The following ZNF25 variants were observed in gnomAD, a reference collection of about 807,000 sequenced individuals.
ZNF25 encodes the protein zinc finger protein 25 (KOX 19).
A neutral mutation model predicts 30.9 loss-of-function variants in ZNF25; 21 were observed. That is an observed-to-expected ratio of 0.68 (90% CI 0.48 to 0.98). The LOEUF is 0.98. Ranked by LOEUF, ZNF25 falls within the 50% of genes least tolerant of loss-of-function variation. ZNF25 has a pLI of 0.00. For synonymous variants in ZNF25, 169 were observed against 181.3 expected, an observed-to-expected ratio of 0.93 and a Z score of 0.55; for missense variants, 501 against 529.9, an observed-to-expected ratio of 0.95 and a Z score of 0.54.
chr10:37,968,249 A>G (rs993048620), intron 2 of ZNF25, among the ~76,000 whole-genome samples: 11 of 151,494 alleles, frequency 7.3e-5, no homozygotes, highest in African/African-American at 2.7e-4. Context: ...ACAGACATGG[A>G]GTTTCACCGT....
chr10:37,958,013 T>C (rs1367670180), intron 2 of ZNF25, among the ~76,000 whole-genome samples: 1 of 152,200 alleles, frequency 6.6e-6, no homozygotes, highest in Non-Finnish European at 1.5e-5. Context: ...CAGTCAGCTG[T>C]ACCATCTAGG....
chr10:37,963,033 C>CA (rs1254346443), intron 2 of ZNF25, among the ~76,000 whole-genome samples: 1 of 139,064 alleles, frequency 7.2e-6, no homozygotes, highest in Non-Finnish European at 1.5e-5. Flanking sequence ...CTGATAGAAT[C>CA]AAACTTTTTG....
At chr10:37,976,375 C>G (rs952909103) in intron 1 of ZNF25, 131 bp downstream of exon 1, 1 of 152,354 alleles carries the variant, frequency 6.6e-6, no homozygotes, top group African/African-American at 2.4e-5. Context: ...CCAGCGCAGC[C>G]AGCCAACCTC....
chr10:37,956,450 T>G (rs894833501), intron 4 of ZNF25, among the ~76,000 whole-genome samples: 5 of 151,884 alleles, frequency 3.3e-5, no homozygotes, highest in African/African-American at 1.2e-4. Context: ...CTTACAAGGG[T>G]AAGGAGAGAT....
chr10:37,951,833 ACTT>A lies in ZNF25; in HGVS notation c.*291_*293del, dbSNP rs1355585688. On this transcript the variant is annotated 3_prime_UTR_variant, in exon 6 of 6. Coordinates refer to ENST00000302609, the MANE Select transcript of ZNF25 (RefSeq NM_145011.4). ...ACTTACAGGATTTTTCTCCTGTGTG[ACTT>A]CTATGTTGCAAAACAAAAGTATGAC... 1 of 299,550 alleles carries A rather than the reference ACTT, an allele frequency of 3.3e-6. No individual in the cohort carries two copies. Among genetic ancestry groups the A allele is most frequent in the Admixed American group, 4.7e-5 (1 of 21,498 alleles). 18.6% of individuals were successfully genotyped at this position (299,550 alleles called of 1,614,324 possible).
At position 37,953,041 on chromosome 10, in the gene ZNF25, T is replaced by A; in HGVS notation, c.457A>T (p.Lys153Ter). Reference protein sequence around the residue: ...GKSYDCDKCGKSFSKNEDLIR... With the variant: ...GKSYDCDKCG ...AGGTCTTCATTTTTAGAGAAAGATT[T>A]CCCACATTTATCACAGTCATAGGAT... The change falls in exon 6 of 6, where the codon AAA becomes TAA. Residue 153 changes from lysine to a stop codon, truncating the protein, a stop_gained. Transcript: ENST00000302609. LOFTEE classifies it high-confidence loss of function. 1 of 1,614,080 alleles carries A rather than the reference T, an allele frequency of 6.2e-7. No homozygotes were observed. Among genetic ancestry groups the A allele is most frequent in the Non-Finnish European group, 8.5e-7 (1 of 1,180,010 alleles).
chr10:37,971,612 C>T (rs1004170288), intron 2 of ZNF25, 96 bp downstream of exon 2: 32 of 1,568,726 alleles, frequency 2.0e-5, no homozygotes, highest in East Asian at 4.5e-5. Context: ...TATGGGCTCT[C>T]GTTCATAAAA....
intron 2 of ZNF25, among the ~76,000 whole-genome samples, chr10:37,958,662 G>A (rs1361587480): frequency 6.6e-6 from 1 of 152,134 alleles, no homozygotes; most frequent in Non-Finnish European, 1.5e-5. Context: ...GCTCAGGCCT[G>A]TAACACCAGC....
intron 2 of ZNF25, among the ~76,000 whole-genome samples, chr10:37,964,035 C>T (rs1025354046): frequency 6.6e-6 from 1 of 152,110 alleles, no homozygotes; most frequent in Non-Finnish European, 1.5e-5. Context: ...CTCTCTCTTG[C>T]TCCCACTGTC....
chr10:37,955,667 A>G (rs2062470747), intron 4 of ZNF25, among the ~76,000 whole-genome samples: 2 of 152,136 alleles, frequency 1.3e-5, no homozygotes, highest in African/African-American at 4.8e-5. Context: ...GTTGTTAATT[A>G]TTTTATATAT....
In ZNF25 at chr10:37,951,294, C is replaced by T. The variant is rs1359530254; in HGVS notation, c.*833G>A. ...ACTGAACTAAGATTATATTATTTCG[C>T]TATGTACCATTATGGATGGATTCCA... On this transcript the variant is annotated 3_prime_UTR_variant, in exon 6 of 6. Transcript: ENST00000302609. 1 of 152,414 alleles carries T rather than the reference C, an allele frequency of 6.6e-6. No homozygotes were observed. Among genetic ancestry groups the T allele is most frequent in the Non-Finnish European group, 1.5e-5 (1 of 68,028 alleles). The allele number at this position is 152,414 out of a possible 1,614,324, so 9.4% of individuals were successfully genotyped here.
rs993579567 is a variant in ZNF25 at position 37,957,181 on chromosome 10, G to A, written c.143-66C>T. 6 of 1,486,192 alleles carry A rather than the reference G, an allele frequency of 4.0e-6. No homozygotes were observed. The African/African-American group carries it at 5.6e-5, about 14-fold the overall frequency. The allele number at this position is 1,486,192 out of a possible 1,614,324, so 92.1% of individuals were successfully genotyped here. On this transcript the variant is annotated intron_variant, in intron 3 of 5. Coordinates refer to ENST00000302609, the MANE Select transcript of ZNF25 (RefSeq NM_145011.4). Reference sequence around the variant, plus strand: ...GGAATTTAGGGACTGTGAAAGATGAGGAAGTGGAGTTTCAGGATAATAATG... The same window carrying A: ...GGAATTTAGGGACTGTGAAAGATGAAGAAGTGGAGTTTCAGGATAATAATG...
intron 2 of ZNF25, among the ~76,000 whole-genome samples, chr10:37,959,460 T>C (rs902872875): frequency 6.6e-6 from 1 of 152,218 alleles, no homozygotes; most frequent in Non-Finnish European, 1.5e-5. Flanking sequence ...ATAGTGCCAA[T>C]TATTTTCATT....
In ZNF25 at chr10:37,953,601, G is replaced by A. The variant is rs536737872; in HGVS notation, c.302+94C>T. 2,136 of 1,167,018 alleles carry A rather than the reference G, an allele frequency of 1.8e-3. 52 individuals carry two copies. In the South Asian group the frequency reaches 0.025, roughly 14 times the overall value. The allele number at this position is 1,167,018 out of a possible 1,614,324, so 72.3% of individuals were successfully genotyped here. ...TGCTCTGCAGTGTTAGTTTTCTCACGTTTAGTATTAACTAGTGCCCTCCCA... is the reference window on the plus strand; with the variant it reads ...TGCTCTGCAGTGTTAGTTTTCTCACATTTAGTATTAACTAGTGCCCTCCCA... On this transcript the variant is annotated intron_variant, in intron 5 of 5. Transcript: ENST00000302609.
chr10:37,955,674 ATATT>A (rs1218815760), intron 4 of ZNF25, among the ~76,000 whole-genome samples: 1 of 152,116 alleles, frequency 6.6e-6, no homozygotes, highest in Non-Finnish European at 1.5e-5. Context: ...ATTATTTTAT[ATATT>A]TATTATTTCT....
At chr10:37,956,708 G>C (rs1287574357) in intron 4 of ZNF25, among the ~76,000 whole-genome samples, 4 of 151,958 alleles carry the variant, frequency 2.6e-5, no homozygotes, top group African/African-American at 9.7e-5. Context: ...CCTGAGGTTG[G>C]GAGTTCAAGA....
intron 1 of ZNF25, among the ~76,000 whole-genome samples, chr10:37,972,066 C>G (rs1016823349): frequency 2.6e-5 from 4 of 152,156 alleles, no homozygotes; most frequent in African/African-American, 9.7e-5. Flanking sequence ...CCAATAATGA[C>G]TGATTAAATA....
At chr10:37,972,052 A>C (rs960604829) in intron 1 of ZNF25, among the ~76,000 whole-genome samples, 4 of 152,246 alleles carry the variant, frequency 2.6e-5, no homozygotes, top group African/African-American at 9.6e-5. Flanking sequence ...GAAAACTTAA[A>C]TATCCAATAA....
chr10:37,953,299 C>T (rs556535560), intron 5 of ZNF25, 104 bp from the exon 6 acceptor site: 2 of 1,035,778 alleles, frequency 1.9e-6, no homozygotes, highest in South Asian at 3.3e-5. Flanking sequence ...GGACCGATTT[C>T]TAGAGATGTT....
Sources: allele counts gnomAD v4.1 joint callset (sites outside exome capture counted in the v4.1 genomes callset), GRCh38; gene constraint gnomAD v4.1.1; transcripts MANE v1.5; gene names NCBI Gene and HGNC (gene_info 2026-07-23, HGNC 2026-07-21).